Variants in STRN observed in about 807,000 individuals in gnomAD.
The protein encoded by STRN is protein phosphatase 2 regulatory subunit B'''alpha.
A neutral mutation model predicts 96.3 loss-of-function variants in STRN; 53 were observed. The observed-to-expected ratio is 0.55, with a 90% CI of 0.44 to 0.69. The LOEUF is 0.69. Ranked by LOEUF, STRN falls within the 30% of genes least tolerant of loss-of-function variation. STRN has a pLI of 0.00. For missense variants in STRN, 987 were observed against 963.9 expected (o/e 1.02, Z -0.32); for synonymous variants, 428 against 355.9 (o/e 1.20, Z -2.28).
chr2:36,872,628 G>A (rs1044822107), intron 10 of STRN, among the ~76,000 whole-genome samples: 4 of 152,174 alleles, frequency 2.6e-5, no homozygotes, highest in African/African-American at 9.7e-5. Context: ...TTGGGAAACC[G>A]AGCGACAGAC....
intron 9 of STRN, among the ~76,000 whole-genome samples, chr2:36,878,728 A>T (rs537353490): frequency 3.3e-5 from 5 of 151,384 alleles, no homozygotes; most frequent in South Asian, 2.1e-4. Flanking sequence ...TTCATCTAAA[A>T]TTTTTTTTTA....
At chr2:36,936,136 T>C (rs1284298941) in intron 1 of STRN, among the ~76,000 whole-genome samples, 1 of 152,196 alleles carries the variant, frequency 6.6e-6, no homozygotes. Context: ...TTTAAGCCTT[T>C]CTTGCTTCAT....
chr2:36,885,279 T>C (rs1453984235), intron 8 of STRN, among the ~76,000 whole-genome samples: 1 of 152,166 alleles, frequency 6.6e-6, no homozygotes, highest in Non-Finnish European at 1.5e-5. Flanking sequence ...GGATCTTTTG[T>C]ATTTCAAGAC....
chr2:36,941,137 C>T (rs1172404357), intron 1 of STRN, among the ~76,000 whole-genome samples: 1 of 152,150 alleles, frequency 6.6e-6, no homozygotes, highest in Non-Finnish European at 1.5e-5. Context: ...GCCTGAGCAA[C>T]AGAGGTGAGA....
chr2:36,894,018 C>CT lies in STRN; in HGVS notation c.810dup (p.Ala271SerfsTer4). 1 of 1,611,838 alleles carries CT rather than the reference C, an allele frequency of 6.2e-7. No individual in the cohort carries two copies. The highest frequency in any genetic ancestry group is 8.5e-7 in the Non-Finnish European group (1 of 1,179,490). On this transcript the variant is annotated frameshift_variant, in exon 7 of 18. Transcript: ENST00000263918. LOFTEE classifies it high-confidence loss of function. ...CGATCTTCACCGCTGTCAGGCAATGCTTTTTTCCTAACAATCTAATGAAAA... is the reference window on the plus strand; with the variant it reads ...CGATCTTCACCGCTGTCAGGCAATGCTTTTTTTCCTAACAATCTAATGAAAA...
At chr2:36,865,181 T>C (rs1668590495) in intron 12 of STRN, among the ~76,000 whole-genome samples, 1 of 152,248 alleles carries the variant, frequency 6.6e-6, no homozygotes, top group Non-Finnish European at 1.5e-5. Context: ...TGTTCACAAT[T>C]AGAATTTCTT....
At chr2:36,860,687 T>C (rs1327425776) in intron 13 of STRN, among the ~76,000 whole-genome samples, 1 of 152,198 alleles carries the variant, frequency 6.6e-6, no homozygotes, top group African/African-American at 2.4e-5. Flanking sequence ...GCCTTTTACA[T>C]ATTTTGGTGT....
chr2:36,866,175 A>G (rs1308120598), intron 12 of STRN, among the ~76,000 whole-genome samples: 2 of 152,004 alleles, frequency 1.3e-5, no homozygotes, highest in Non-Finnish European at 2.9e-5. Context: ...CCCGGGCTCA[A>G]TTCATCCTCC....
chr2:36,964,184 G>GA (rs1558673420), intron 1 of STRN, among the ~76,000 whole-genome samples: 3 of 78,246 alleles, frequency 3.8e-5, no homozygotes, highest in Non-Finnish European at 8.2e-5. Flanking sequence ...ACGGGGCGGG[G>GA]CGGGGGGAAG....
Position 36,851,020 on chromosome 2 carries a change from T to C in STRN, c.2066A>G (p.Lys689Arg). ...SITAHEDRHI[K>R]FYDNNTGKLI... The stretch of plus-strand genomic sequence containing the variant: ...CTTACCTGTATTGTTATCATAGAAT[T>C]TGATGTGCCTGTCTTCATGAGCAGT... The change falls in exon 16 of 18, where the codon AAA becomes AGA. Residue 689 changes from lysine (K) to arginine (R), a missense_variant. By Grantham distance (26) the Lys-to-Arg change is conservative. Transcript: ENST00000263918. The C allele has an allele frequency of 1.2e-6, 2 of 1,611,538 alleles. No individual in the cohort carries two copies. The highest frequency in any genetic ancestry group is 1.7e-6 in the Non-Finnish European group (2 of 1,178,590).
In STRN at chr2:36,867,901, G is replaced by A. The variant is rs373399279; in HGVS notation, c.1500-40C>T. 29 of 1,467,592 alleles carry A rather than the reference G, an allele frequency of 2.0e-5. No homozygotes were observed. The African/African-American group carries it at 3.9e-4, about 20-fold the overall frequency. 90.9% of individuals were successfully genotyped at this position (1,467,592 alleles called of 1,614,324 possible). ...GATGACTTTACCATTCTAAGTGTCA[G>A]TAAACAGTATAATTAAACATATGTC... On this transcript the variant is annotated intron_variant, in intron 11 of 17. Coordinates refer to ENST00000263918, the MANE Select transcript of STRN (RefSeq NM_003162.4).
intron 16 of STRN, among the ~76,000 whole-genome samples, chr2:36,850,192 A>G (rs764799803): frequency 6.6e-6 from 1 of 152,228 alleles, no homozygotes; most frequent in Non-Finnish European, 1.5e-5. Context: ...CAATGAGGCA[A>G]GGAAAAAGGG....
intron 15 of STRN, among the ~76,000 whole-genome samples, chr2:36,853,765 A>G (rs1668276693): frequency 6.6e-6 from 1 of 152,350 alleles, no homozygotes; most frequent in South Asian, 2.1e-4. Flanking sequence ...CTAAATTCCA[A>G]AACAGAACAA....
intron 4 of STRN, among the ~76,000 whole-genome samples, chr2:36,903,590 T>C (rs535886418): frequency 9.6e-4 from 146 of 152,296 alleles, no homozygotes; most frequent in Non-Finnish European, 1.3e-3. Flanking sequence ...CATTAACTTA[T>C]AAGTAGGCAC....
intron 10 of STRN, among the ~76,000 whole-genome samples, chr2:36,873,533 C>A (rs530803009): frequency 6.6e-6 from 1 of 152,090 alleles, no homozygotes; most frequent in South Asian, 2.1e-4. Context: ...GCACACCAGC[C>A]TGGGTAAGAC....
At chr2:36,884,783 A>T (rs1315409745) in intron 8 of STRN, among the ~76,000 whole-genome samples, 1 of 152,176 alleles carries the variant, frequency 6.6e-6, no homozygotes, top group Non-Finnish European at 1.5e-5. Context: ...ACTAGACCAC[A>T]TTGAAAAGAC....
chr2:36,893,747 C>T (rs975030215), intron 7 of STRN, 151 bp downstream of exon 7: 3 of 811,910 alleles, frequency 3.7e-6, no homozygotes, highest in African/African-American at 3.6e-5. Context: ...AACATACACA[C>T]ACATTCACCC....
At chr2:36,911,813 A>C (rs1027660321) in intron 3 of STRN, among the ~76,000 whole-genome samples, 2 of 152,048 alleles carry the variant, frequency 1.3e-5, no homozygotes, top group Non-Finnish European at 2.9e-5. Flanking sequence ...CAGACTACCA[A>C]ATGTGCAGCC....
chr2:36,916,583 T>C (rs986202550), intron 2 of STRN, among the ~76,000 whole-genome samples: 8 of 152,042 alleles, frequency 5.3e-5, no homozygotes, highest in African/African-American at 1.9e-4. Flanking sequence ...AGAAAAGTCA[T>C]CTACAATATT....
Sources: gnomAD v4.1 joint callset for allele counts (sites outside exome capture counted in the v4.1 genomes callset) on GRCh38, gnomAD v4.1.1 for gene constraint, MANE v1.5 for transcripts, NCBI Gene and HGNC (gene_info 2026-07-23, HGNC 2026-07-21) for gene names.